EVC2: variants seen among roughly 807,000 people sequenced by gnomAD.
EVC2 encodes limbin.
EVC2 carries 148 observed loss-of-function variants against 149.3 expected under a neutral mutation model. That is an observed-to-expected ratio of 0.99 (90% CI 0.87 to 1.14). EVC2 has a LOEUF of 1.14. Ranked by LOEUF, EVC2 falls within the 50% of genes most tolerant of loss-of-function variation. The pLI, the probability that EVC2 is intolerant of heterozygous loss-of-function variation, is 0.00. For synonymous variants in EVC2, 776 were observed against 649.9 expected, an observed-to-expected ratio of 1.19 and a Z score of -2.95; for missense variants, 1,854 against 1,627.3, an observed-to-expected ratio of 1.14 and a Z score of -2.40.
chr4:5,595,445 A>C (rs933260083), intron 16 of EVC2, among the ~76,000 whole-genome samples: 10 of 152,230 alleles, frequency 6.6e-5, no homozygotes, highest in Non-Finnish European at 1.3e-4. Flanking sequence ...TTTTCAACCC[A>C]GAATTTCATA....
In EVC2 at chr4:5,616,642, C is replaced by T. The variant is rs1051153580; in HGVS notation, c.2707-1098G>A. Among the ~76,000 whole-genome samples the T allele has an allele frequency of 2.0e-5, 3 of 152,300 alleles. No individual in the cohort carries two copies. The East Asian group carries it at 5.8e-4, about 29-fold the overall frequency. ...TGAAGATTAAAACAACAATTTTATC[C>T]CCAGGCCTTGGTGCTTAGGAAACTG... On this transcript the variant is annotated intron_variant, in intron 15 of 21. Transcript: ENST00000344408.
At chr4:5,599,495 C>G (rs1713781262) in intron 16 of EVC2, among the ~76,000 whole-genome samples, 1 of 152,138 alleles carries the variant, frequency 6.6e-6, no homozygotes, top group Non-Finnish European at 1.5e-5. Context: ...ACCGTATATT[C>G]TCACTCACAG....
intron 9 of EVC2, among the ~76,000 whole-genome samples, chr4:5,651,821 C>G (rs1577209301): frequency 6.6e-6 from 1 of 152,220 alleles, no homozygotes; most frequent in African/African-American, 2.4e-5. Flanking sequence ...TATAGCTGAG[C>G]TTAGAGAAGT....
chr4:5,622,783 C>T lies in EVC2; in HGVS notation c.2255G>A (p.Arg752Gln), dbSNP rs139717271. 9.3e-6 allele frequency: 15 copies of T among 1,614,034 alleles called. No individual in the cohort carries two copies. The highest frequency in any genetic ancestry group is 6.7e-5 in the African/African-American group (5 of 74,978). The stretch of plus-strand genomic sequence containing the variant: ...GGTCATGGCTGAGTTCTGCAGGCGC[C>T]GCAGCTCGTCGGTGGCCTTTTCAAA... ...SLFEKATDEL[R>Q]RLQNSAMTQE... The change falls in exon 14 of 22, where the codon CGG becomes CAG. Residue 752 changes from arginine (R) to glutamine (Q), a missense_variant. Physicochemically the swap from Arg to Gln is conservative, Grantham distance 43. Transcript: ENST00000344408. The surrounding 1 kb of genome is among the most constrained non-coding windows in gnomAD (Gnocchi z 5.8).
At chr4:5,646,837 A>G (rs1360337480) in intron 9 of EVC2, among the ~76,000 whole-genome samples, 1 of 152,216 alleles carries the variant, frequency 6.6e-6, no homozygotes. Flanking sequence ...AACATGGCTT[A>G]TGGTAAAAAT....
At chr4:5,694,276 A>G in intron 3 of EVC2, 59 bp downstream of exon 3, 6 of 1,582,634 alleles carry the variant, frequency 3.8e-6, no homozygotes, top group Non-Finnish European at 5.2e-6. Flanking sequence ...TATACAGGCC[A>G]TAATTGGTTT....
intron 16 of EVC2, among the ~76,000 whole-genome samples, chr4:5,600,014 C>G (rs1184742163): frequency 1.3e-5 from 2 of 152,208 alleles, no homozygotes; most frequent in Non-Finnish European, 2.9e-5. Flanking sequence ...TCTACCACCC[C>G]TATCATCTAC....
At chr4:5,682,774 G>C (rs145696745) in intron 6 of EVC2, among the ~76,000 whole-genome samples, 1,850 of 151,302 alleles carry the variant, frequency 0.012, 45 homozygotes, top group African/African-American at 0.041. Context: ...GAGGAGAATC[G>C]CTTGAACCTG....
At position 5,681,235 on chromosome 4, in the gene EVC2, G is replaced by T. The variant is rs182161854; in HGVS notation, c.870+25C>A. 3 of 1,612,958 alleles carry T rather than the reference G, an allele frequency of 1.9e-6. No individual in the cohort carries two copies. The African/African-American group carries it at 4.0e-5, about 22-fold the overall frequency. ...CACAGCACAGGTGTGTCCTGAGGGT[G>T]CTCAGGGCATGTCATGTCTCTTACC... is the stretch of plus-strand genomic sequence containing the variant. On this transcript the variant is annotated intron_variant, in intron 7 of 21. Coordinates refer to ENST00000344408, the MANE Select transcript of EVC2 (RefSeq NM_147127.5).
Position 5,614,421 on chromosome 4 carries a change from T to C in EVC2, c.2829+1001A>G, listed in dbSNP as rs1715081779. ...GGACACTGTTGCCTCCCCAAAATAC[T>C]TGTGGAACAAATTAACCATGTGATA... is the stretch of plus-strand genomic sequence containing the variant. On this transcript the variant is annotated intron_variant, in intron 16 of 21. Transcript: ENST00000344408. The surrounding 1 kb of genome is among the most constrained non-coding windows in gnomAD (Gnocchi z 4.7). 6.6e-6 allele frequency among the ~76,000 whole-genome samples: 1 copy of C among 152,028 alleles called. No homozygotes were observed. The highest frequency in any genetic ancestry group is 6.6e-5 in the Admixed American group (1 of 15,258).
chr4:5,562,020 G>A (rs937805170), downstream of EVC2, among the ~76,000 whole-genome samples: 1 of 152,162 alleles, frequency 6.6e-6, no homozygotes, highest in African/African-American at 2.4e-5. This position sits in a 1 kb window ranked among gnomAD's most constrained non-coding sequence, Gnocchi z 4.3. Context: ...AGGCACTGCT[G>A]TGTGGATGGG....
intron 5 of EVC2, among the ~76,000 whole-genome samples, chr4:5,688,882 A>AATAG (rs1281959414): frequency 6.6e-6 from 1 of 152,200 alleles, no homozygotes; most frequent in Non-Finnish European, 1.5e-5. Context: ...TCATAATAAA[A>AATAG]ATAGACTATG....
chr4:5,640,950 C>G lies in EVC2; in HGVS notation c.1146-112G>C. 1 of 1,169,714 alleles carries G rather than the reference C, an allele frequency of 8.5e-7. No individual in the cohort carries two copies. The highest frequency in any genetic ancestry group is 1.3e-5 in the South Asian group (1 of 78,378). 72.5% of individuals were successfully genotyped at this position (1,169,714 alleles called of 1,614,324 possible). A position where few individuals can be genotyped will look rare whatever the true frequency, so the allele number is the denominator to read the frequency against. ...ATGTGTAGGCAAGGGCTTTCTTCGT[C>G]TTCCTTTTCTTCCTTTCCCCGCTCA... is the stretch of plus-strand genomic sequence containing the variant. On this transcript the variant is annotated intron_variant, in intron 9 of 21. Transcript: ENST00000344408. This position sits in a 1 kb window ranked among gnomAD's most constrained non-coding sequence, Gnocchi z 4.6.
chr4:5,679,484 C>A lies in EVC2; in HGVS notation c.870+1776G>T, dbSNP rs1446830727. On this transcript the variant is annotated intron_variant, in intron 7 of 21. Coordinates refer to ENST00000344408, the MANE Select transcript of EVC2 (RefSeq NM_147127.5). This position sits in a 1 kb window ranked among gnomAD's most constrained non-coding sequence, Gnocchi z 5.1. ...AACTCCTGGCTTCAAGTGATCAGCC[C>A]ACCTCAGCCTCCCAAAGTACTGAGA... 6.6e-6 allele frequency among the ~76,000 whole-genome samples: 1 copy of A among 152,104 alleles called. No individual in the cohort carries two copies. Among genetic ancestry groups the A allele is most frequent in the Non-Finnish European group, 1.5e-5 (1 of 68,026 alleles).
chr4:5,533,183 A>C, the EVC2 span, among the ~76,000 whole-genome samples: 5 of 151,938 alleles, frequency 3.3e-5, no homozygotes, highest in African/African-American at 1.2e-4. Flanking sequence ...CAATGAGGGG[A>C]AAGGGATATG....
At chr4:5,651,529 T>C (rs1410705312) in intron 9 of EVC2, among the ~76,000 whole-genome samples, 1 of 152,136 alleles carries the variant, frequency 6.6e-6, no homozygotes, top group African/African-American at 2.4e-5. Context: ...AATGAATGAC[T>C]GATAGGTAGG....
At chr4:5,620,929 C>T (rs1389136931) in intron 14 of EVC2, among the ~76,000 whole-genome samples, 1 of 152,112 alleles carries the variant, frequency 6.6e-6, no homozygotes. Context: ...CTGTTGAGGG[C>T]AAATCATGGG....
intron 16 of EVC2, among the ~76,000 whole-genome samples, chr4:5,594,013 G>C (rs1025338644): frequency 6.6e-6 from 1 of 152,202 alleles, no homozygotes; most frequent in Non-Finnish European, 1.5e-5. Context: ...CAGCGAGGCT[G>C]GGGGAGGGGT....
intron 16 of EVC2, among the ~76,000 whole-genome samples, chr4:5,607,003 T>A (rs796218484): frequency 3.3e-5 from 5 of 152,316 alleles, no homozygotes; most frequent in African/African-American, 1.2e-4. Flanking sequence ...GAAAGGCTTA[T>A]AAAAATTAGT....
Sources: allele counts gnomAD v4.1 joint callset (sites outside exome capture counted in the v4.1 genomes callset), GRCh38; gene constraint gnomAD v4.1.1; non-coding constraint Gnocchi (gnomAD v3.1); transcripts MANE v1.5; gene names NCBI Gene and HGNC (gene_info 2026-07-23, HGNC 2026-07-21).